Variants in LRRC4C observed in about 807,000 individuals in gnomAD.
LRRC4C encodes leucine-rich repeat-containing protein 4C.
In LRRC4C, 5 loss-of-function variants were observed where a neutral mutation model predicts 33.6. The ratio of observed to expected loss-of-function variants is 0.15; its 90% CI spans 0.08 to 0.31. The LOEUF (loss-of-function observed/expected upper bound fraction) is 0.31. Among genes scored for constraint, LRRC4C ranks in the 10% least tolerant of loss-of-function variants. The pLI is 1.00. For missense variants in LRRC4C, 560 were observed against 796.7 expected (o/e 0.70, Z 3.58); for synonymous variants, 329 against 302.0 (o/e 1.09, Z -0.93).
intron 3 of LRRC4C, among the ~76,000 whole-genome samples, chr11:40,383,353 G>C (rs1948968908): frequency 6.6e-6 from 1 of 152,148 alleles, no homozygotes; most frequent in Non-Finnish European, 1.5e-5. Flanking sequence ...ATCGTGATTT[G>C]AATTCCTTTG....
chr11:40,252,129 A>G (rs1370577348), intron 4 of LRRC4C, among the ~76,000 whole-genome samples: 4 of 152,090 alleles, frequency 2.6e-5, no homozygotes. Flanking sequence ...TGATAGTGGC[A>G]ACATTACTGA....
chr11:40,188,365 C>T (rs141072686), intron 5 of LRRC4C, among the ~76,000 whole-genome samples: 164 of 152,112 alleles, frequency 1.1e-3, no homozygotes, highest in African/African-American at 3.9e-3. Flanking sequence ...CATGTGAACA[C>T]AATATATTTG....
intron 5 of LRRC4C, among the ~76,000 whole-genome samples, chr11:40,178,390 A>G (rs578199580): frequency 6.6e-6 from 1 of 152,256 alleles, no homozygotes; most frequent in South Asian, 2.1e-4. Context: ...CTAGAAACAA[A>G]CAACTGTATA....
intron 3 of LRRC4C, among the ~76,000 whole-genome samples, chr11:40,479,114 G>A (rs1228376465): frequency 1.6e-4 from 24 of 152,080 alleles, no homozygotes; most frequent in Non-Finnish European, 5.9e-5. Context: ...AGCAGCAAAT[G>A]AGACAGTGAA....
chr11:40,424,373 A>T (rs1950636066), intron 3 of LRRC4C, among the ~76,000 whole-genome samples: 1 of 152,138 alleles, frequency 6.6e-6, no homozygotes, highest in African/African-American at 2.4e-5. Context: ...GCTTACCACA[A>T]TTTTCCTCTT....
chr11:41,132,354 A>AT (rs1223130594), intron 1 of LRRC4C, among the ~76,000 whole-genome samples: 2 of 152,184 alleles, frequency 1.3e-5, no homozygotes, highest in East Asian at 3.8e-4. Flanking sequence ...GTTGGTGAGT[A>AT]TATTTAAAAT....
chr11:40,409,335 T>C (rs1590644841), intron 3 of LRRC4C, among the ~76,000 whole-genome samples: 2 of 151,900 alleles, frequency 1.3e-5, no homozygotes, highest in Non-Finnish European at 2.9e-5. Flanking sequence ...GAAATTTTTC[T>C]GGGCAATTGA....
intron 1 of LRRC4C, among the ~76,000 whole-genome samples, chr11:40,937,592 A>AGTGTGT (rs1957958666): frequency 8.3e-6 from 1 of 120,122 alleles, no homozygotes; most frequent in African/African-American, 3.5e-5. Flanking sequence ...ACTCTTCTTG[A>AGTGTGT]GTGTGTGTAT....
intron 2 of LRRC4C, among the ~76,000 whole-genome samples, chr11:40,886,369 G>A (rs542286412): frequency 6.7e-6 from 1 of 148,214 alleles, no homozygotes; most frequent in Non-Finnish European, 1.5e-5. Flanking sequence ...CAATGCAATA[G>A]AAGTGCTACT....
intron 1 of LRRC4C, among the ~76,000 whole-genome samples, chr11:41,456,821 A>T (rs751776760): frequency 9.2e-5 from 14 of 152,146 alleles, no homozygotes; most frequent in Non-Finnish European, 1.8e-4. Context: ...AAAGGCATGG[A>T]TCTGGAGTTG....
intron 1 of LRRC4C, among the ~76,000 whole-genome samples, chr11:41,283,363 T>C (rs998275070): frequency 6.6e-6 from 1 of 152,170 alleles, no homozygotes; most frequent in Non-Finnish European, 1.5e-5. Flanking sequence ...ACGACCTAAA[T>C]ATCTAACCAC....
chr11:40,545,584 A>T (rs192871509), intron 3 of LRRC4C, among the ~76,000 whole-genome samples: 1 of 152,070 alleles, frequency 6.6e-6, no homozygotes, highest in Admixed American at 6.6e-5. Flanking sequence ...TCTTTCAGGA[A>T]CGTTAGCAGC....
Position 40,985,292 on chromosome 11 carries a change from G to C in LRRC4C, c.-495-51569C>G, listed in dbSNP as rs368977815. Among the ~76,000 whole-genome samples, 7 of 152,010 alleles carry C rather than the reference G, an allele frequency of 4.6e-5. No homozygotes were observed. The East Asian group carries it at 1.4e-3, about 29-fold the overall frequency. On this transcript the variant is annotated intron_variant, in intron 1 of 6. Coordinates refer to ENST00000528697, the MANE Select transcript of LRRC4C (RefSeq NM_001258419.2). ...AATTTACACAGTTATGAGTCTATGG[G>C]TTTTTCTTCCGCTGAGTGACTGAAA...
At chr11:41,064,162 C>A (rs1335152586) in intron 1 of LRRC4C, among the ~76,000 whole-genome samples, 1 of 152,190 alleles carries the variant, frequency 6.6e-6, no homozygotes, top group Non-Finnish European at 1.5e-5. Flanking sequence ...ACCAATTCAC[C>A]CAGATAGGTA....
chr11:40,690,583 G>A (rs973485294), intron 2 of LRRC4C, among the ~76,000 whole-genome samples: 3 of 152,044 alleles, frequency 2.0e-5, no homozygotes, highest in Middle Eastern at 3.4e-3. Flanking sequence ...CTCTTAGAAC[G>A]GAGAGATTTT....
chr11:40,296,603 C>T (rs1368317633), intron 4 of LRRC4C, among the ~76,000 whole-genome samples: 1 of 152,086 alleles, frequency 6.6e-6, no homozygotes, highest in African/African-American at 2.4e-5. Flanking sequence ...GAATTTGTAA[C>T]CCTTTCAGAG....
intron 1 of LRRC4C, among the ~76,000 whole-genome samples, chr11:41,106,166 G>C (rs11604576): frequency 0.34 from 51,259 of 151,822 alleles, 10,305 homozygotes; most frequent in South Asian, 0.45. Context: ...TGAGTTCTTA[G>C]TACAGGACTT....
At chr11:40,861,576 G>A (rs997857509) in intron 2 of LRRC4C, among the ~76,000 whole-genome samples, 6 of 152,158 alleles carry the variant, frequency 3.9e-5, no homozygotes, top group African/African-American at 1.2e-4. Context: ...AGGACTAATT[G>A]TGACATTGTA....
chr11:40,406,748 C>T (rs985878997), intron 3 of LRRC4C, among the ~76,000 whole-genome samples: 2 of 152,030 alleles, frequency 1.3e-5, no homozygotes, highest in African/African-American at 4.8e-5. Flanking sequence ...TCACTTGCAA[C>T]TTTGATTTAT....
Sources: gnomAD v4.1 joint callset for allele counts (sites outside exome capture counted in the v4.1 genomes callset) on GRCh38, gnomAD v4.1.1 for gene constraint, MANE v1.5 for transcripts, NCBI Gene and HGNC (gene_info 2026-07-23, HGNC 2026-07-21) for gene names.